The following NTM variants were observed in gnomAD, a reference collection of about 807,000 sequenced individuals.
NTM encodes neurotrimin.
NTM carries 13 observed loss-of-function variants against 42.1 expected under a neutral mutation model. That is an observed-to-expected ratio of 0.31 (90% confidence interval 0.20 to 0.49). NTM has a LOEUF of 0.49. NTM is among the 20% of genes least tolerant of loss of function. NTM has a pLI of 0.99. For synonymous variants in NTM, 187 were observed against 179.2 expected (o/e 1.04, Z -0.35); for missense variants, 373 against 452.8 (o/e 0.82, Z 1.60).
intron 1 of NTM, among the ~76,000 whole-genome samples, chr11:131,716,937 C>G (rs2077757287): frequency 6.6e-6 from 1 of 152,124 alleles, no homozygotes; most frequent in Non-Finnish European, 1.5e-5. Context: ...ACCTCTTGGG[C>G]TTAAGCAATC....
At chr11:131,604,444 T>C (rs1433815003) in intron 1 of NTM, among the ~76,000 whole-genome samples, 1 of 152,136 alleles carries the variant, frequency 6.6e-6, no homozygotes, top group Non-Finnish European at 1.5e-5. Flanking sequence ...ATTAACTATA[T>C]TGTTTGCAAA....
intron 1 of NTM, among the ~76,000 whole-genome samples, chr11:131,685,576 C>T (rs1250168341): frequency 4.6e-5 from 7 of 152,336 alleles, no homozygotes; most frequent in African/African-American, 1.2e-4. Context: ...GGCAGTGCTC[C>T]GCCCCCTCGT....
At chr11:131,943,838 C>A (rs2060062323) in intron 2 of NTM, among the ~76,000 whole-genome samples, 1 of 152,102 alleles carries the variant, frequency 6.6e-6, no homozygotes, top group Admixed American at 6.5e-5. Context: ...ATCTGATCAT[C>A]CCCCACACAT....
intron 2 of NTM, among the ~76,000 whole-genome samples, chr11:132,029,056 G>GT (rs994586023): frequency 3.2e-5 from 1 of 30,926 alleles, no homozygotes; most frequent in Non-Finnish European, 4.9e-5. Context: ...TGGTTGGTTG[G>GT]TGTGGGTTTT....
intron 4 of NTM, among the ~76,000 whole-genome samples, chr11:132,213,706 T>A (rs538078055): frequency 6.6e-6 from 1 of 151,036 alleles, no homozygotes; most frequent in Non-Finnish European, 1.5e-5. Context: ...CCTGAATTCC[T>A]GGGAGCTGTC....
chr11:131,572,318 G>A (rs1315866903), intron 1 of NTM, among the ~76,000 whole-genome samples: 2 of 152,098 alleles, frequency 1.3e-5, no homozygotes, highest in African/African-American at 4.8e-5. Flanking sequence ...CCAGAACCCA[G>A]GATCCTTCTG....
At chr11:131,807,807 C>G (rs989909766) in intron 1 of NTM, among the ~76,000 whole-genome samples, 6 of 152,148 alleles carry the variant, frequency 3.9e-5, no homozygotes, top group Non-Finnish European at 8.8e-5. Flanking sequence ...TCCCTTTATA[C>G]CTTTCAGACA....
chr11:131,701,191 G>A (rs1159907753), intron 1 of NTM, among the ~76,000 whole-genome samples: 1 of 152,158 alleles, frequency 6.6e-6, no homozygotes, highest in Non-Finnish European at 1.5e-5. Flanking sequence ...CTGGGATTAT[G>A]TCAACTTTTT....
chr11:131,732,764 GTTGACAC>G, intron 1 of NTM, among the ~76,000 whole-genome samples: 1 of 152,224 alleles, frequency 6.6e-6, no homozygotes, highest in African/African-American at 2.4e-5. Flanking sequence ...GTCTATTTGT[GTTGACAC>G]TTGTCTTTTG....
intron 2 of NTM, among the ~76,000 whole-genome samples, chr11:132,118,658 G>C (rs1342451226): frequency 1.3e-5 from 2 of 152,130 alleles, no homozygotes; most frequent in African/African-American, 2.4e-5. Context: ...AAATAGATGA[G>C]AGCCCACCAA....
intron 2 of NTM, among the ~76,000 whole-genome samples, chr11:132,033,588 G>A (rs1326960987): frequency 3.3e-5 from 5 of 152,204 alleles, no homozygotes; most frequent in Non-Finnish European, 5.9e-5. Context: ...AAGCCCACCT[G>A]TTTAGGAATT....
At chr11:132,133,942 C>T (rs1300455573) in intron 2 of NTM, among the ~76,000 whole-genome samples, 1 of 152,256 alleles carries the variant, frequency 6.6e-6, no homozygotes, top group Non-Finnish European at 1.5e-5. Flanking sequence ...TCGGTGTTCT[C>T]TCTCTGCTCT....
chr11:131,667,520 C>T (rs1018754053), intron 1 of NTM, among the ~76,000 whole-genome samples: 4 of 152,154 alleles, frequency 2.6e-5, no homozygotes, highest in Non-Finnish European at 5.9e-5. Flanking sequence ...AGGGGAGCAG[C>T]CCCATGACAG....
chr11:131,457,908 G>C (rs1591724295), intron 1 of NTM, among the ~76,000 whole-genome samples: 1 of 152,134 alleles, frequency 6.6e-6, no homozygotes, highest in Non-Finnish European at 1.5e-5. Context: ...ACCCAGAAGA[G>C]AGCCCTCACA....
Position 131,658,481 on chromosome 11 carries a change from C to T in NTM, c.83-253083C>T, listed in dbSNP as rs191011056. Reference sequence around the variant, plus strand: ...TTACATTCGTGAACCTACATGGACACGTCACTATGCTGATGCCCGTTTGTC... The same window carrying T: ...TTACATTCGTGAACCTACATGGACATGTCACTATGCTGATGCCCGTTTGTC... On this transcript the variant is annotated intron_variant, in intron 1 of 8. Coordinates refer to ENST00000683400, the MANE Select transcript of NTM (RefSeq NM_001352005.2). 2.6e-5 allele frequency among the ~76,000 whole-genome samples: 4 copies of T among 152,302 alleles called. No homozygotes were observed. In the East Asian group the frequency reaches 7.7e-4, roughly 29 times the overall value.
chr11:131,873,690 T>C (rs1333831214), intron 1 of NTM, among the ~76,000 whole-genome samples: 1 of 127,402 alleles, frequency 7.8e-6, no homozygotes, highest in Non-Finnish European at 1.5e-5. Context: ...CACATATATA[T>C]ACACACATAT....
intron 1 of NTM, among the ~76,000 whole-genome samples, chr11:131,415,245 G>A (rs2135783915): frequency 6.6e-6 from 1 of 152,280 alleles, no homozygotes; most frequent in Middle Eastern, 3.4e-3. Flanking sequence ...TCTCCTCGCA[G>A]TGCCCAATAT....
intron 3 of NTM, among the ~76,000 whole-genome samples, chr11:132,157,284 T>C (rs1412133323): frequency 1.3e-5 from 2 of 152,202 alleles, no homozygotes; most frequent in African/African-American, 4.8e-5. Flanking sequence ...CCAAATTTAG[T>C]CTTTGTCACT....
intron 3 of NTM, among the ~76,000 whole-genome samples, chr11:132,195,139 C>A (rs1420625497): frequency 6.6e-6 from 1 of 151,918 alleles, no homozygotes; most frequent in African/African-American, 2.4e-5. Flanking sequence ...AATAGCATTT[C>A]TCTACACCAA....
Sources: allele counts gnomAD v4.1 joint callset (sites outside exome capture counted in the v4.1 genomes callset), GRCh38; gene constraint gnomAD v4.1.1; transcripts MANE v1.5; gene names NCBI Gene and HGNC (gene_info 2026-07-23, HGNC 2026-07-21).